CCSER1: variants seen among roughly 807,000 people sequenced by gnomAD.
The protein encoded by CCSER1 is coiled-coil serine rich protein 1, also known as serine-rich coiled-coil domain-containing protein 1.
CCSER1 carries 41 observed loss-of-function variants against 82.0 expected under a neutral mutation model. The ratio of observed to expected loss-of-function variants is 0.50; its 90% CI spans 0.39 to 0.65. The LOEUF (loss-of-function observed/expected upper bound fraction) is 0.65, where lower values mean the gene tolerates loss of function less well. CCSER1 is among the 30% of genes least tolerant of loss of function. The pLI is 0.00. For missense variants in CCSER1, 1,119 were observed against 1,064.2 expected (o/e 1.05, Z -0.72); for synonymous variants, 414 against 383.9 (o/e 1.08, Z -0.92).
intron 8 of CCSER1, among the ~76,000 whole-genome samples, chr4:90,836,627 G>C (rs576868630): frequency 6.6e-6 from 1 of 152,282 alleles, no homozygotes; most frequent in East Asian, 1.9e-4. Flanking sequence ...AGGAAGTTGT[G>C]GTATGAAGCA....
At chr4:90,202,524 T>C (rs1737956762) in intron 1 of CCSER1, among the ~76,000 whole-genome samples, 2 of 152,242 alleles carry the variant, frequency 1.3e-5, no homozygotes, top group Admixed American at 6.5e-5. Context: ...GTTTAAATTC[T>C]GTTTATTACA....
chr4:90,596,712 T>A (rs1237798967), intron 5 of CCSER1, among the ~76,000 whole-genome samples: 1 of 148,750 alleles, frequency 6.7e-6, no homozygotes, highest in Non-Finnish European at 1.5e-5. Flanking sequence ...ACCAGATATT[T>A]TTTTACCAAA....
intron 10 of CCSER1, among the ~76,000 whole-genome samples, chr4:91,384,911 C>CA (rs1460270202): frequency 1.3e-5 from 2 of 151,938 alleles, no homozygotes; most frequent in Non-Finnish European, 2.9e-5. Context: ...ATGATATTGA[C>CA]AAAATCTCAA....
Position 90,318,135 on chromosome 4 carries a change from T to C in CCSER1, c.1509+5088T>C, listed in dbSNP as rs1736500647. On this transcript the variant is annotated intron_variant, in intron 3 of 10. Transcript: ENST00000509176. ...GTGCTTCACACTGTCCTGGTCTTTGTGGTTGAAAAGATGAAAACATCTCTG... is the reference window on the plus strand; with the variant it reads ...GTGCTTCACACTGTCCTGGTCTTTGCGGTTGAAAAGATGAAAACATCTCTG... Among the ~76,000 whole-genome samples, 3 of 152,220 alleles carry C rather than the reference T, an allele frequency of 2.0e-5. No homozygotes were observed. The South Asian group carries it at 6.2e-4, about 32-fold the overall frequency.
intron 10 of CCSER1, among the ~76,000 whole-genome samples, chr4:91,377,320 G>A (rs779730467): frequency 2.6e-5 from 4 of 152,096 alleles, no homozygotes; most frequent in African/African-American, 9.7e-5. Flanking sequence ...TTGAGGAATC[G>A]CCACACTGTC....
intron 5 of CCSER1, among the ~76,000 whole-genome samples, chr4:90,496,443 C>T (rs1769016533): frequency 6.6e-6 from 1 of 152,072 alleles, no homozygotes; most frequent in Non-Finnish European, 1.5e-5. Flanking sequence ...AGTTTATCAC[C>T]AGATTTCCTA....
At chr4:91,007,200 G>C (rs1421112441) in intron 9 of CCSER1, among the ~76,000 whole-genome samples, 1 of 152,012 alleles carries the variant, frequency 6.6e-6, no homozygotes, top group East Asian at 1.9e-4. Context: ...TTAGTATTTT[G>C]TTGAGGATTT....
At chr4:90,629,952 A>G (rs980506092) in intron 6 of CCSER1, among the ~76,000 whole-genome samples, 4 of 152,224 alleles carry the variant, frequency 2.6e-5, no homozygotes, top group African/African-American at 9.6e-5. Flanking sequence ...TGGAAGTACT[A>G]TATAATTCTG....
At chr4:90,595,744 A>G (rs1376311405) in intron 5 of CCSER1, among the ~76,000 whole-genome samples, 1 of 151,904 alleles carries the variant, frequency 6.6e-6, no homozygotes, top group Non-Finnish European at 1.5e-5. Flanking sequence ...GTACTCCTCA[A>G]CCAGACCTAG....
At chr4:91,375,484 G>A (rs1455832726) in intron 10 of CCSER1, among the ~76,000 whole-genome samples, 1 of 151,462 alleles carries the variant, frequency 6.6e-6, no homozygotes, top group Non-Finnish European at 1.5e-5. Context: ...TTCATGAAAG[G>A]AAGTGTCAAC....
At chr4:91,393,674 TC>T (rs1259180448) in intron 10 of CCSER1, among the ~76,000 whole-genome samples, 1 of 152,126 alleles carries the variant, frequency 6.6e-6, no homozygotes, top group Non-Finnish European at 1.5e-5. Context: ...TTATAGCTCA[TC>T]CTGATTGTGT....
At chr4:90,777,917 T>C (rs1237810656) in intron 7 of CCSER1, among the ~76,000 whole-genome samples, 5 of 152,186 alleles carry the variant, frequency 3.3e-5, no homozygotes, top group Non-Finnish European at 7.4e-5. Context: ...CTCAGGGCAA[T>C]TTTAAGGGCT....
At chr4:90,765,018 C>T (rs1180623270) in intron 7 of CCSER1, among the ~76,000 whole-genome samples, 1 of 151,976 alleles carries the variant, frequency 6.6e-6, no homozygotes, top group African/African-American at 2.4e-5. Context: ...TTCTTTTCCC[C>T]AATGAAAAGT....
At chr4:90,938,465 T>C (rs1729262423) in intron 9 of CCSER1, among the ~76,000 whole-genome samples, 1 of 152,040 alleles carries the variant, frequency 6.6e-6, no homozygotes, top group South Asian at 2.1e-4. Context: ...ATAGAGCATG[T>C]TTAATTGGAA....
chr4:90,445,906 G>T (rs767600538), intron 4 of CCSER1, among the ~76,000 whole-genome samples: 1 of 152,038 alleles, frequency 6.6e-6, no homozygotes, highest in Non-Finnish European at 1.5e-5. Context: ...TATTACTCAG[G>T]ATTAGCTTCT....
chr4:91,124,486 A>G (rs1247654253), intron 10 of CCSER1, among the ~76,000 whole-genome samples: 1 of 151,768 alleles, frequency 6.6e-6, no homozygotes, highest in African/African-American at 2.4e-5. Flanking sequence ...ACTCTGAGGA[A>G]GACAGGACTT....
intron 9 of CCSER1, among the ~76,000 whole-genome samples, chr4:90,963,516 T>G (rs1734243332): frequency 6.6e-6 from 1 of 152,114 alleles, no homozygotes; most frequent in African/African-American, 2.4e-5. Context: ...CTTAGGGAAG[T>G]ATTTAACATT....
intron 3 of CCSER1, among the ~76,000 whole-genome samples, chr4:90,388,125 A>G (rs77180050): frequency 0.1 from 15,142 of 152,180 alleles, 939 homozygotes; most frequent in Middle Eastern, 0.17. Context: ...CTAATATTTC[A>G]TTTTATGGAA....
rs1376408904 is a variant in CCSER1 at position 90,147,567 on chromosome 4, G to A, written c.-42+19736G>A. Among the ~76,000 whole-genome samples the A allele has an allele frequency of 2.6e-5, 4 of 152,212 alleles. No homozygotes were observed. The East Asian group carries it at 7.7e-4, about 29-fold the overall frequency. ...AGATAATTTTGTGAAATGCACAAGT[G>A]CTAATTATGCATCAAAGTGAGTAGC... On this transcript the variant is annotated intron_variant, in intron 1 of 10. Coordinates refer to ENST00000509176, the MANE Select transcript of CCSER1 (RefSeq NM_001145065.2).
Sources: gnomAD v4.1 joint callset for allele counts (sites outside exome capture counted in the v4.1 genomes callset) on GRCh38, gnomAD v4.1.1 for gene constraint, MANE v1.5 for transcripts, NCBI Gene and HGNC (gene_info 2026-07-23, HGNC 2026-07-21) for gene names.